COL22A1: variants seen among roughly 807,000 people sequenced by gnomAD.
The protein encoded by COL22A1 is collagen alpha-1(XXII) chain.
COL22A1 carries 221 observed loss-of-function variants against 248.9 expected under a neutral mutation model. The ratio of observed to expected loss-of-function variants is 0.89; its 90% CI spans 0.80 to 0.99. The LOEUF is 0.99. COL22A1 is among the 50% of genes least tolerant of loss of function. COL22A1 has a pLI of 0.00. For synonymous variants in COL22A1, 891 were observed against 793.4 expected (o/e 1.12, Z -2.07); for missense variants, 2,240 against 2,179.0 (o/e 1.03, Z -0.56).
intron 12 of COL22A1, among the ~76,000 whole-genome samples, chr8:138,782,479 A>G (rs1815101269): frequency 1.3e-5 from 2 of 152,244 alleles, no homozygotes; most frequent in African/African-American, 4.8e-5. Flanking sequence ...GGCCTCCCAA[A>G]GTGCTGGAAT....
intron 3 of COL22A1, among the ~76,000 whole-genome samples, chr8:138,847,206 C>T (rs574783595): frequency 5.3e-5 from 8 of 152,328 alleles, no homozygotes; most frequent in African/African-American, 1.9e-4. Flanking sequence ...CTTTCTAGCT[C>T]CAAACCCATA....
chr8:138,602,828 C>T (rs1216350940), intron 59 of COL22A1, among the ~76,000 whole-genome samples: 1 of 152,206 alleles, frequency 6.6e-6, no homozygotes, highest in Admixed American at 6.5e-5. Context: ...GCTCCTCTGC[C>T]ATCTCCTCTC....
chr8:138,625,638 A>G (rs920970143), intron 51 of COL22A1, among the ~76,000 whole-genome samples: 1 of 152,254 alleles, frequency 6.6e-6, no homozygotes, highest in African/African-American at 2.4e-5. Context: ...TTGGAGGATC[A>G]TCATAAAGAA....
At chr8:138,816,888 G>C (rs560027253) in intron 7 of COL22A1, among the ~76,000 whole-genome samples, 1 of 152,266 alleles carries the variant, frequency 6.6e-6, no homozygotes, top group East Asian at 1.9e-4. Flanking sequence ...ATGCAACATG[G>C]AACAGTCAAT....
Position 138,646,771 on chromosome 8 carries a change from C to T in COL22A1, c.3448-89G>A, listed in dbSNP as rs1237714118. 4.4e-6 allele frequency: 4 copies of T among 917,178 alleles called. No homozygotes were observed. In the Admixed American group the frequency reaches 1.1e-4, roughly 25 times the overall value. 56.8% of individuals were successfully genotyped at this position (917,178 alleles called of 1,614,324 possible). On this transcript the variant is annotated intron_variant, in intron 46 of 64. Coordinates refer to ENST00000303045, the MANE Select transcript of COL22A1 (RefSeq NM_152888.3). ...CATCACCATGCCATCAGCCTCGTAC[C>T]TCCCTTCACTGATTTTCCACTGGGA...
intron 1 of COL22A1, among the ~76,000 whole-genome samples, chr8:138,887,159 C>T (rs1263890464): frequency 3.3e-5 from 5 of 151,862 alleles, no homozygotes; most frequent in African/African-American, 1.2e-4. Flanking sequence ...TATTCTTTTA[C>T]CTGTTAACTG....
intron 3 of COL22A1, among the ~76,000 whole-genome samples, chr8:138,866,249 T>C (rs1822884294): frequency 6.6e-6 from 1 of 152,208 alleles, no homozygotes; most frequent in African/African-American, 2.4e-5. Context: ...AGACATCGCA[T>C]AACCCCGTAT....
intron 27 of COL22A1, among the ~76,000 whole-genome samples, chr8:138,717,145 T>G (rs565787663): frequency 6.6e-6 from 1 of 152,198 alleles, no homozygotes; most frequent in South Asian, 2.1e-4. Context: ...TTTTAATTTT[T>G]TTTTATTTTT....
intron 1 of COL22A1, among the ~76,000 whole-genome samples, chr8:138,912,646 A>G (rs1457467641): frequency 6.6e-6 from 1 of 152,132 alleles, no homozygotes; most frequent in Non-Finnish European, 1.5e-5. Flanking sequence ...AGGCTGAGTC[A>G]GGAGGAGAAT....
rs146513714 is a variant in COL22A1 at position 138,612,852 on chromosome 8, C to T, written c.3978+1015G>A. Among the ~76,000 whole-genome samples, 448 of 147,594 alleles carry T rather than the reference C, an allele frequency of 3.0e-3. 2 individuals are homozygous for T. Among genetic ancestry groups the T allele is most frequent in the African/African-American group, 0.011 (425 of 39,772 alleles). Reference sequence around the variant, plus strand: ...TTGGGAGGCTGAGGTAGGAGAATCGCTTGAGCCCAGGAGGCAGAGGTTGCA... The same window carrying T: ...TTGGGAGGCTGAGGTAGGAGAATCGTTTGAGCCCAGGAGGCAGAGGTTGCA... On this transcript the variant is annotated intron_variant, in intron 56 of 64. Coordinates refer to ENST00000303045, the MANE Select transcript of COL22A1 (RefSeq NM_152888.3).
At chr8:138,608,645 A>G (rs1818606095) in intron 56 of COL22A1, among the ~76,000 whole-genome samples, 1 of 152,212 alleles carries the variant, frequency 6.6e-6, no homozygotes, top group Non-Finnish European at 1.5e-5. Context: ...CATTTAACAA[A>G]CAGGATCCCA....
chr8:138,604,336 A>G (rs957492149), intron 59 of COL22A1, among the ~76,000 whole-genome samples: 2 of 152,200 alleles, frequency 1.3e-5, no homozygotes, highest in African/African-American at 4.8e-5. Context: ...AAGGCTGGAC[A>G]AAGGGAGATC....
intron 1 of COL22A1, among the ~76,000 whole-genome samples, chr8:138,884,196 T>G (rs1824466620): frequency 6.6e-6 from 1 of 152,182 alleles, no homozygotes; most frequent in Non-Finnish European, 1.5e-5. Flanking sequence ...CCCTATGGGT[T>G]GAGGGGGTCA....
intron 36 of COL22A1, among the ~76,000 whole-genome samples, chr8:138,690,038 T>C (rs1330724017): frequency 1.3e-5 from 2 of 152,188 alleles, no homozygotes; most frequent in Non-Finnish European, 2.9e-5. Context: ...AATGAACACA[T>C]ATTCCTCCAG....
At chr8:138,671,222 TAG>T (rs1227808757) in intron 41 of COL22A1, among the ~76,000 whole-genome samples, 1 of 152,148 alleles carries the variant, frequency 6.6e-6, no homozygotes, top group African/African-American at 2.4e-5. Context: ...GCATAAAATA[TAG>T]AGAGATACTA....
chr8:138,755,234 G>A, intron 20 of COL22A1, 24 bp from the exon 21 acceptor site: 1 of 1,612,020 alleles, frequency 6.2e-7, no homozygotes, highest in Non-Finnish European at 8.5e-7. Flanking sequence ...CCAAACAGAT[G>A]TTTAGTCATG....
intron 9 of COL22A1, 120 bp downstream of exon 9, chr8:138,811,679 C>G (rs2318332): frequency 0.78 from 893,378 of 1,139,512 alleles, 351,541 homozygotes; most frequent in Middle Eastern, 0.85. Context: ...AGGGTGCTGT[C>G]AGCTGACAGC....
intron 1 of COL22A1, among the ~76,000 whole-genome samples, chr8:138,887,200 C>G (rs1045511494): frequency 6.6e-6 from 1 of 151,704 alleles, no homozygotes; most frequent in Non-Finnish European, 1.5e-5. Flanking sequence ...TAGCCCCTCA[C>G]TATCCTTCCC....
At chr8:138,656,844 T>G (rs141993274) in intron 44 of COL22A1, among the ~76,000 whole-genome samples, 25 of 152,276 alleles carry the variant, frequency 1.6e-4, no homozygotes, top group African/African-American at 5.8e-4. Context: ...TTCTCCTCAT[T>G]AAGTTTGAGT....
Sources: gnomAD v4.1 joint callset for allele counts (sites outside exome capture counted in the v4.1 genomes callset) on GRCh38, gnomAD v4.1.1 for gene constraint, MANE v1.5 for transcripts, NCBI Gene and HGNC (gene_info 2026-07-23, HGNC 2026-07-21) for gene names.